Variants in PTPRE observed in about 807,000 individuals in gnomAD.
PTPRE encodes protein tyrosine phosphatase receptor type E.
In PTPRE, 51 loss-of-function variants were observed where a neutral mutation model predicts 102.0. The ratio of observed to expected loss-of-function variants is 0.50; its 90% CI spans 0.40 to 0.63. The LOEUF (loss-of-function observed/expected upper bound fraction) is 0.63. Among genes scored for constraint, PTPRE ranks in the 30% least tolerant of loss-of-function variants. The pLI is 0.00. For synonymous variants in PTPRE, 345 were observed against 348.2 expected, an observed-to-expected ratio of 0.99 and a Z score of 0.10; for missense variants, 752 against 915.1, an observed-to-expected ratio of 0.82 and a Z score of 2.30.
chr10:128,082,199 T>A (rs10764746), intron 20 of PTPRE, among the ~76,000 whole-genome samples: 1 of 41,186 alleles, frequency 2.4e-5, no homozygotes, highest in East Asian at 8.4e-4. Context: ...CTCTTTCTTT[T>A]TTTTTTTTTT....
Position 128,083,634 on chromosome 10 carries a change from G to A in PTPRE, c.*728G>A, listed in dbSNP as rs1363030250. The A allele has an allele frequency of 6.6e-6, 1 of 152,220 alleles. No homozygotes were observed. The highest frequency in any genetic ancestry group is 2.4e-5 in the African/African-American group (1 of 41,444). 9.4% of individuals were successfully genotyped at this position (152,220 alleles called of 1,614,324 possible). A position where few individuals can be genotyped will look rare whatever the true frequency, so the allele number is the denominator to read the frequency against. On this transcript the variant is annotated 3_prime_UTR_variant, in exon 21 of 21. Transcript: ENST00000254667. ...GTTGGGTACAACAAAACCAGCCATCGGAGTTACACCCCAAAGCACCATTTG... is the reference window on the plus strand; with the variant it reads ...GTTGGGTACAACAAAACCAGCCATCAGAGTTACACCCCAAAGCACCATTTG...
In PTPRE at chr10:128,040,923, G is replaced by C; in HGVS notation, c.42G>C (p.Leu14Phe). The C allele has an allele frequency of 6.2e-7, 1 of 1,614,046 alleles. No homozygotes were observed. Among genetic ancestry groups the C allele is most frequent in the Non-Finnish European group, 8.5e-7 (1 of 1,179,986 alleles). The change falls in exon 3 of 21, where the codon TTG (leucine) becomes TTC (phenylalanine). Residue 14 changes from leucine (L) to phenylalanine (F), a missense_variant. Transcript: ENST00000254667. ...CACTCCTGCTGGTGGGTTTTAGCTT[G>C]CCGCTCGCCAGGGCTCTCAGGGGCA... ...LCPLLLVGFS[L>F]PLARALRGNE...
At chr10:127,991,994 C>T (rs1164360352) in intron 2 of PTPRE, among the ~76,000 whole-genome samples, 4 of 152,186 alleles carry the variant, frequency 2.6e-5, no homozygotes, top group African/African-American at 9.7e-5. Context: ...GTCCTGAGCA[C>T]TGACCAGTGA....
At chr10:128,011,430 G>T (rs760375766) in intron 2 of PTPRE, among the ~76,000 whole-genome samples, 1 of 152,202 alleles carries the variant, frequency 6.6e-6, no homozygotes, top group Non-Finnish European at 1.5e-5. Flanking sequence ...CGGAGGAGGC[G>T]CGGGTTAGGA....
At chr10:127,961,018 C>CAAAAA (rs5788882) in intron 1 of PTPRE, among the ~76,000 whole-genome samples, 1 of 140,360 alleles carries the variant, frequency 7.1e-6, no homozygotes, top group African/African-American at 2.7e-5. Context: ...CAGACTCTGT[C>CAAAAA]AAAAAAAAAA....
chr10:127,945,562 G>T (rs976293619), intron 1 of PTPRE, among the ~76,000 whole-genome samples: 3 of 152,208 alleles, frequency 2.0e-5, no homozygotes, highest in Admixed American at 2.0e-4. Flanking sequence ...CAGGAATGGG[G>T]TTTGGCAGTG....
chr10:127,922,331 C>G (rs569483438), intron 1 of PTPRE, among the ~76,000 whole-genome samples: 12 of 152,374 alleles, frequency 7.9e-5, no homozygotes, highest in African/African-American at 2.9e-4. Flanking sequence ...TCTTTGCCGC[C>G]GGACACCTAA....
intron 1 of PTPRE, among the ~76,000 whole-genome samples, chr10:127,950,906 C>A (rs577922943): frequency 1.1e-4 from 17 of 152,100 alleles, no homozygotes; most frequent in Admixed American, 9.8e-4. Context: ...ACCATCCTGG[C>A]TAACACAGTG....
At position 128,028,952 on chromosome 10, in the gene PTPRE, C is replaced by T. The variant is rs990106458; in HGVS notation, c.-7-11923C>T. 6.6e-6 allele frequency among the ~76,000 whole-genome samples: 1 copy of T among 152,252 alleles called. No homozygotes were observed. The highest frequency in any genetic ancestry group is 1.5e-5 in the Non-Finnish European group (1 of 68,044). On this transcript the variant is annotated intron_variant, in intron 2 of 20. Transcript: ENST00000254667. This position sits in a 1 kb window ranked among gnomAD's most constrained non-coding sequence, Gnocchi z 4.5. ...GCTCCGTCTCTGCTCAGGGTCCCCC[C>T]AGAGGCCTCCCGCTGGGATTTGTCT...
At chr10:127,969,800 A>G (rs1403322163) in intron 1 of PTPRE, among the ~76,000 whole-genome samples, 1 of 152,148 alleles carries the variant, frequency 6.6e-6, no homozygotes, top group Non-Finnish European at 1.5e-5. Context: ...CTGGAGAATC[A>G]TGGTGAACGT....
chr10:127,917,565 C>T (rs563957457), intron 1 of PTPRE, among the ~76,000 whole-genome samples: 10 of 152,098 alleles, frequency 6.6e-5, no homozygotes, highest in East Asian at 1.9e-4. Context: ...CCAGTTGCTC[C>T]GGGGGCTAAG....
intron 2 of PTPRE, among the ~76,000 whole-genome samples, chr10:128,016,481 A>ATTTTT (rs57308839): frequency 1.4e-5 from 2 of 145,210 alleles, no homozygotes; most frequent in Non-Finnish European, 3.0e-5. Flanking sequence ...TGCCTGGCCA[A>ATTTTT]TTTTTTTTTT....
intron 2 of PTPRE, among the ~76,000 whole-genome samples, chr10:128,000,388 A>G (rs1227866242): frequency 1.3e-5 from 2 of 152,232 alleles, no homozygotes; most frequent in Non-Finnish European, 2.9e-5. Flanking sequence ...AATATTTTAT[A>G]TGGAAGCTGA....
intron 1 of PTPRE, among the ~76,000 whole-genome samples, chr10:127,980,639 G>A (rs1851536448): frequency 6.6e-6 from 1 of 152,100 alleles, no homozygotes. Context: ...CTGTAGATTT[G>A]CCCAAATAGA....
intron 6 of PTPRE, among the ~76,000 whole-genome samples, chr10:128,050,048 C>A (rs1848429602): frequency 6.6e-6 from 1 of 152,158 alleles, no homozygotes; most frequent in South Asian, 2.1e-4. Flanking sequence ...CCTTTCATGG[C>A]TTCTGAGAGC....
In PTPRE at chr10:128,028,042, T is replaced by C. The variant is rs6482646; in HGVS notation, c.-7-12833T>C. On this transcript the variant is annotated intron_variant, in intron 2 of 20. Transcript: ENST00000254667. The surrounding 1 kb of genome is among the most constrained non-coding windows in gnomAD (Gnocchi z 4.5). ...CATGGCAGAGGCTTCAGGGGAGGGTTCCGGCTTTGGCTGGGGGCGTGGGAG... is the reference window on the plus strand; with the variant it reads ...CATGGCAGAGGCTTCAGGGGAGGGTCCCGGCTTTGGCTGGGGGCGTGGGAG... Among the ~76,000 whole-genome samples, 102,033 of 152,144 alleles carry C rather than the reference T, an allele frequency of 0.67. 34,486 individuals carry two copies. The highest frequency in any genetic ancestry group is 0.71 in the African/African-American group (29,577 of 41,522).
At chr10:128,077,549 G>A in intron 18 of PTPRE, 68 bp from the exon 19 acceptor site, 2 of 1,532,580 alleles carry the variant, frequency 1.3e-6, no homozygotes, top group South Asian at 1.2e-5. Flanking sequence ...ATCCCTGAGA[G>A]GGCAGATGGG....
intron 17 of PTPRE, 55 bp downstream of exon 17, chr10:128,073,526 C>T: frequency 6.3e-7 from 1 of 1,580,728 alleles, no homozygotes; most frequent in South Asian, 1.2e-5. Flanking sequence ...ACCTGAGGCA[C>T]TGTCCCCGTT....
At chr10:128,029,759 T>TG (rs1281002068) in intron 2 of PTPRE, among the ~76,000 whole-genome samples, 1 of 152,238 alleles carries the variant, frequency 6.6e-6, no homozygotes, top group Non-Finnish European at 1.5e-5. Context: ...TGAGACGGAC[T>TG]GTAAGCCCAG....
Sources: gnomAD v4.1 joint callset for allele counts (sites outside exome capture counted in the v4.1 genomes callset) on GRCh38, gnomAD v4.1.1 for gene constraint, Gnocchi (gnomAD v3.1) non-coding constraint, MANE v1.5 for transcripts, NCBI Gene and HGNC (gene_info 2026-07-23, HGNC 2026-07-21) for gene names.